NUP93: variants seen among roughly 807,000 people sequenced by gnomAD.
NUP93 encodes the protein nuclear pore complex protein Nup93.
A neutral mutation model predicts 107.8 loss-of-function variants in NUP93; 55 were observed. The ratio of observed to expected loss-of-function variants is 0.51; its 90% CI spans 0.41 to 0.64. The LOEUF is 0.64. Ranked by LOEUF, NUP93 falls within the 30% of genes least tolerant of loss-of-function variation. NUP93 has a pLI of 0.00. For missense variants in NUP93, 937 were observed against 1,044.7 expected (o/e 0.90, Z 1.42); for synonymous variants, 390 against 397.5 (o/e 0.98, Z 0.22).
At chr16:56,803,536 AT>A (rs1963066805) in intron 4 of NUP93, among the ~76,000 whole-genome samples, 1 of 152,074 alleles carries the variant, frequency 6.6e-6, no homozygotes, top group Non-Finnish European at 1.5e-5. Flanking sequence ...GATACTATTG[AT>A]TTTATAATCC....
chr16:56,796,358 C>T (rs1394109632), intron 3 of NUP93, among the ~76,000 whole-genome samples: 1 of 152,120 alleles, frequency 6.6e-6, no homozygotes, highest in African/African-American at 2.4e-5. Context: ...TGTACAGGTT[C>T]GTAGCCTGGG....
intron 6 of NUP93, among the ~76,000 whole-genome samples, chr16:56,821,022 T>C (rs1158480083): frequency 6.6e-6 from 1 of 152,234 alleles, no homozygotes; most frequent in Non-Finnish European, 1.5e-5. Context: ...ACAGAGATTC[T>C]TTCCAGGAGA....
At chr16:56,756,206 C>T (rs1962015880) in intron 2 of NUP93, among the ~76,000 whole-genome samples, 1 of 151,002 alleles carries the variant, frequency 6.6e-6, no homozygotes, top group African/African-American at 2.4e-5. Context: ...ATACATGTGC[C>T]ATGGTGGTTT....
intron 3 of NUP93, among the ~76,000 whole-genome samples, chr16:56,790,709 G>A (rs1034921760): frequency 5.9e-5 from 9 of 152,210 alleles, no homozygotes; most frequent in African/African-American, 2.2e-4. Flanking sequence ...CTGAAGCAAA[G>A]TAATGGTACA....
chr16:56,800,198 A>G, intron 4 of NUP93, among the ~76,000 whole-genome samples: 1 of 152,230 alleles, frequency 6.6e-6, no homozygotes, highest in East Asian at 1.9e-4. Flanking sequence ...AATAAATAAA[A>G]TCCCCAAAAT....
At chr16:56,813,003 A>G (rs74021820) in intron 5 of NUP93, among the ~76,000 whole-genome samples, 2,134 of 152,308 alleles carry the variant, frequency 0.014, 48 homozygotes, top group African/African-American at 0.049. Flanking sequence ...ACCTGAGTGT[A>G]GTCTAGTGGC....
In NUP93 at chr16:56,833,204, CTCTCT is replaced by C; in HGVS notation, c.1346-10_1346-6del. On this transcript the variant is annotated splice_polypyrimidine_tract_variant and splice_region_variant and intron_variant, in intron 12 of 21. Coordinates refer to ENST00000308159, the MANE Select transcript of NUP93 (RefSeq NM_014669.5). ...AGTTGGTTTTATCTCCTCTCCTCTC[CTCTCT>C]CCCAGGCGAGTCCCACTTTACGGTG... is the stretch of plus-strand genomic sequence containing the variant. 1 of 1,591,802 alleles carries C rather than the reference CTCTCT, an allele frequency of 6.3e-7. No homozygotes were observed. Among genetic ancestry groups the C allele is most frequent in the Non-Finnish European group, 8.5e-7 (1 of 1,172,486 alleles).
At chr16:56,803,412 C>T (rs1963063647) in intron 4 of NUP93, among the ~76,000 whole-genome samples, 1 of 151,988 alleles carries the variant, frequency 6.6e-6, no homozygotes, top group Non-Finnish European at 1.5e-5. Context: ...TTGCAGTGAG[C>T]TGAGATCGTT....
intron 1 of NUP93, among the ~76,000 whole-genome samples, chr16:56,734,716 G>T (rs773224973): frequency 2.0e-5 from 3 of 152,226 alleles, no homozygotes; most frequent in Non-Finnish European, 4.4e-5. Flanking sequence ...AATAAATGTA[G>T]TGTAGAAATG....
At position 56,841,845 on chromosome 16, in the gene NUP93, G is replaced by A. The variant is rs1964032563; in HGVS notation, c.2349+12G>A. The A allele has an allele frequency of 6.2e-7, 1 of 1,613,432 alleles. No homozygotes were observed. The highest frequency in any genetic ancestry group is 1.7e-4 in the Middle Eastern group (1 of 6,052). On this transcript the variant is annotated intron_variant, in intron 21 of 21. Transcript: ENST00000308159. ...AGGACCGCGACTCTGTAAGATCCCAGCATTCGCGAGAAACATTGCTAAGCA... is the reference window on the plus strand; with the variant it reads ...AGGACCGCGACTCTGTAAGATCCCAACATTCGCGAGAAACATTGCTAAGCA...
intron 3 of NUP93, among the ~76,000 whole-genome samples, chr16:56,780,723 C>T (rs577537853): frequency 1.1e-4 from 16 of 152,280 alleles, no homozygotes; most frequent in Admixed American, 9.2e-4. Context: ...TATAAAAATA[C>T]ATCATGAAAT....
chr16:56,740,359 G>T (rs572779245), intron 1 of NUP93, among the ~76,000 whole-genome samples: 198 of 111,950 alleles, frequency 1.8e-3, no homozygotes, highest in African/African-American at 5.1e-3. Flanking sequence ...GGTCTCGGCC[G>T]GGCAGAGGCG....
chr16:56,763,485 T>TGTGTGTGTGTGTGGGTGG (rs1962162404), intron 3 of NUP93, among the ~76,000 whole-genome samples: 1 of 149,934 alleles, frequency 6.7e-6, no homozygotes, highest in Admixed American at 6.6e-5. Context: ...GAACTGCTTG[T>TGTGTGTGTGTGTGGGTGG]GTGTGTGTGT....
intron 3 of NUP93, chr16:56,781,997 A>G (rs1962524527): frequency 1.0e-6 from 1 of 985,354 alleles, no homozygotes; most frequent in African/African-American, 1.7e-5. Context: ...TCACATCAGC[A>G]CTTGCAGAGG....
chr16:56,783,966 A>G (rs1596796586), intron 3 of NUP93: 1 of 845,688 alleles, frequency 1.2e-6, no homozygotes. Context: ...CGCTGCAAAT[A>G]TGAAAAGTGT....
At chr16:56,803,471 T>A (rs1341259579) in intron 4 of NUP93, among the ~76,000 whole-genome samples, 2 of 151,892 alleles carry the variant, frequency 1.3e-5, no homozygotes, top group Non-Finnish European at 2.9e-5. Context: ...ATAATAATAA[T>A]AAAACACTGG....
At position 56,835,267 on chromosome 16, in the gene NUP93, A is replaced by G. The variant is rs535361626; in HGVS notation, c.1782+489A>G. On this transcript the variant is annotated intron_variant, in intron 16 of 21. Coordinates refer to ENST00000308159, the MANE Select transcript of NUP93 (RefSeq NM_014669.5). Reference sequence around the variant, plus strand: ...GGACTCACTATGCCCATTGGTTGTCATGGCAGGAGGGTCAGAGATCCTGTT... The same window carrying G: ...GGACTCACTATGCCCATTGGTTGTCGTGGCAGGAGGGTCAGAGATCCTGTT... 4.6e-5 allele frequency among the ~76,000 whole-genome samples: 7 copies of G among 152,330 alleles called. No homozygotes were observed. The East Asian group carries it at 1.3e-3, about 29-fold the overall frequency.
chr16:56,763,503 GGTGT>G (rs371566784), intron 3 of NUP93, among the ~76,000 whole-genome samples: 2 of 150,122 alleles, frequency 1.3e-5, no homozygotes, highest in African/African-American at 4.9e-5. Context: ...TGTGTGGGTG[GGTGT>G]GTGTGTGTAT....
At position 56,839,610 on chromosome 16, in the gene NUP93, T is replaced by C; in HGVS notation, c.2220+6T>C. 1 of 1,605,848 alleles carries C rather than the reference T, an allele frequency of 6.2e-7. No individual in the cohort carries two copies. Among genetic ancestry groups the C allele is most frequent in the African/African-American group, 1.3e-5 (1 of 74,830 alleles). ...TCAGAAATTTCAGTGATGAAGTAAGTTCCTTCTTCCTGAGTTGTGGAATTC... is the reference window on the plus strand; with the variant it reads ...TCAGAAATTTCAGTGATGAAGTAAGCTCCTTCTTCCTGAGTTGTGGAATTC... On this transcript the variant is annotated splice_donor_region_variant and intron_variant, in intron 20 of 21. Coordinates refer to ENST00000308159, the MANE Select transcript of NUP93 (RefSeq NM_014669.5).
Sources: gnomAD v4.1 joint callset for allele counts (sites outside exome capture counted in the v4.1 genomes callset) on GRCh38, gnomAD v4.1.1 for gene constraint, MANE v1.5 for transcripts, NCBI Gene and HGNC (gene_info 2026-07-23, HGNC 2026-07-21) for gene names.